Variants in RAB11FIP4 observed in about 807,000 individuals in gnomAD.
The protein encoded by RAB11FIP4 is rab11 family-interacting protein 4.
RAB11FIP4 carries 23 observed loss-of-function variants against 74.3 expected under a neutral mutation model. The ratio of observed to expected loss-of-function variants is 0.31; its 90% CI spans 0.22 to 0.44. The LOEUF (loss-of-function observed/expected upper bound fraction) is 0.44, where lower values mean the gene tolerates loss of function less well. RAB11FIP4 is among the 20% of genes least tolerant of loss of function. The pLI is 1.00. For synonymous variants in RAB11FIP4, 360 were observed against 359.9 expected (o/e 1.00, Z 0.00); for missense variants, 630 against 863.9 (o/e 0.73, Z 3.39).
intron 3 of RAB11FIP4, among the ~76,000 whole-genome samples, chr17:31,464,960 T>C (rs186468432): frequency 1.3e-4 from 19 of 151,654 alleles, no homozygotes; most frequent in African/African-American, 4.6e-4. Context: ...AGTTTCGCCA[T>C]GTTGCCCAGG....
At chr17:31,433,730 A>T (rs555350809) in intron 2 of RAB11FIP4, among the ~76,000 whole-genome samples, 3 of 151,760 alleles carry the variant, frequency 2.0e-5, no homozygotes, top group African/African-American at 7.2e-5. Flanking sequence ...CCAGGTGGGC[A>T]GCACTGCCTT....
At chr17:31,398,378 A>T (rs1567642102) in intron 1 of RAB11FIP4, among the ~76,000 whole-genome samples, 1 of 152,156 alleles carries the variant, frequency 6.6e-6, no homozygotes. Context: ...CCATTTGGCA[A>T]AACCTTGCTG....
intron 3 of RAB11FIP4, among the ~76,000 whole-genome samples, chr17:31,447,294 C>T (rs540074086): frequency 6.7e-4 from 102 of 151,990 alleles, no homozygotes; most frequent in African/African-American, 2.4e-3. Flanking sequence ...TCAAACAAAA[C>T]AAAACAAAAC....
chr17:31,537,295 C>T lies in RAB11FIP4; in HGVS notation c.*5563C>T, dbSNP rs1567700960. The T allele has an allele frequency of 2.5e-6, 1 of 398,614 alleles. No individual in the cohort carries two copies. The highest frequency in any genetic ancestry group is 4.4e-6 in the Non-Finnish European group (1 of 226,100). The allele number at this position is 398,614 out of a possible 1,614,324, so 24.7% of individuals were successfully genotyped here. ...GGCCAGCTCTCCCGGGCACATTCGT[C>T]CACAAGGATCAGGCCCCACTTACCC... On this transcript the variant is annotated 3_prime_UTR_variant, in exon 15 of 15. Transcript: ENST00000621161.
rs114947198 is a variant in RAB11FIP4 at position 31,431,076 on chromosome 17, A to G, written c.160-737A>G. ...ATCCACACAGCTGCAGGAACCCCCA[A>G]AGATGAATTGTAAAAGCAAAAAGCT... On this transcript the variant is annotated intron_variant, in intron 1 of 14. Coordinates refer to ENST00000621161, the MANE Select transcript of RAB11FIP4 (RefSeq NM_032932.6). Among the ~76,000 whole-genome samples the G allele has an allele frequency of 7.9e-3, 1,208 of 152,244 alleles. 7 individuals carry two copies. The highest frequency in any genetic ancestry group is 0.028 in the African/African-American group (1,146 of 41,528).
chr17:31,534,006 G>GTGT lies in RAB11FIP4; in HGVS notation c.*2275_*2277dup, dbSNP rs1597992439. 6.6e-6 allele frequency: 1 copy of GTGT among 152,214 alleles called. No individual in the cohort carries two copies. The highest frequency in any genetic ancestry group is 2.4e-5 in the African/African-American group (1 of 41,440). The allele number at this position is 152,214 out of a possible 1,614,324, so 9.4% of individuals were successfully genotyped here. A position where few individuals can be genotyped will look rare whatever the true frequency, so the allele number is the denominator to read the frequency against. ...GCTTGTTGCTTGGCTTTTAAAGATG[G>GTGT]TGTATGTTTGTAAAAATATTCTTCT... is the stretch of plus-strand genomic sequence containing the variant. On this transcript the variant is annotated 3_prime_UTR_variant, in exon 15 of 15. Coordinates refer to ENST00000621161, the MANE Select transcript of RAB11FIP4 (RefSeq NM_032932.6).
At chr17:31,522,659 C>T in intron 7 of RAB11FIP4, 1 of 538,966 alleles carries the variant, frequency 1.9e-6, no homozygotes, top group East Asian at 3.1e-5. Context: ...GCCAGGGATG[C>T]CCTGAGAGAG....
At chr17:31,508,206 C>T (rs1052393050) in intron 3 of RAB11FIP4, among the ~76,000 whole-genome samples, 2 of 152,138 alleles carry the variant, frequency 1.3e-5, no homozygotes, top group African/African-American at 2.4e-5. Flanking sequence ...GGAGTGAGAG[C>T]GTCTCCCCAC....
At chr17:31,406,337 AC>A (rs1374539266) in intron 1 of RAB11FIP4, among the ~76,000 whole-genome samples, 1 of 151,976 alleles carries the variant, frequency 6.6e-6, no homozygotes, top group Non-Finnish European at 1.5e-5. Flanking sequence ...ACAACCCCTG[AC>A]CCCCAGGAGG....
At chr17:31,413,201 G>C (rs570657348) in intron 1 of RAB11FIP4, among the ~76,000 whole-genome samples, 2 of 152,294 alleles carry the variant, frequency 1.3e-5, no homozygotes, top group South Asian at 4.1e-4. Flanking sequence ...GGATGGGGCG[G>C]GATAGATGGG....
Position 31,535,515 on chromosome 17 carries a change from G to A in RAB11FIP4, c.*3783G>A, listed in dbSNP as rs781623879. 6.6e-6 allele frequency: 1 copy of A among 152,306 alleles called. No homozygotes were observed. Among genetic ancestry groups the A allele is most frequent in the Non-Finnish European group, 1.5e-5 (1 of 68,096 alleles). The allele number at this position is 152,306 out of a possible 1,614,324, so 9.4% of individuals were successfully genotyped here. ...TGCAAGGTCGTTGGCCAGAGGTAGAGGAAACTGGTCAAAGTGGCTGTTGGG... is the reference window on the plus strand; with the variant it reads ...TGCAAGGTCGTTGGCCAGAGGTAGAAGAAACTGGTCAAAGTGGCTGTTGGG... On this transcript the variant is annotated 3_prime_UTR_variant, in exon 15 of 15. Coordinates refer to ENST00000621161, the MANE Select transcript of RAB11FIP4 (RefSeq NM_032932.6).
intron 3 of RAB11FIP4, among the ~76,000 whole-genome samples, chr17:31,477,996 CTTTT>C (rs35308777): frequency 1.5e-5 from 2 of 132,598 alleles, no homozygotes. Flanking sequence ...GCTGTTAATA[CTTTT>C]TTTTTTTTTT....
chr17:31,471,068 GTT>G (rs34337037), intron 3 of RAB11FIP4, among the ~76,000 whole-genome samples: 4,697 of 144,666 alleles, frequency 0.032, 217 homozygotes, highest in African/African-American at 0.11. Flanking sequence ...GAAATGGAAG[GTT>G]TTTTTTTTTT....
intron 1 of RAB11FIP4, among the ~76,000 whole-genome samples, chr17:31,395,674 T>A (rs1421947223): frequency 2.6e-5 from 4 of 152,162 alleles, no homozygotes; most frequent in Middle Eastern, 3.4e-3. Context: ...CAAGGAAATT[T>A]TGAGACACTG....
chr17:31,474,185 A>G (rs1218250814), intron 3 of RAB11FIP4, among the ~76,000 whole-genome samples: 2 of 152,140 alleles, frequency 1.3e-5, no homozygotes, highest in Non-Finnish European at 2.9e-5. Flanking sequence ...CCTCACAGGC[A>G]ATTGGATGCA....
At chr17:31,444,349 A>AC (rs367971641) in intron 3 of RAB11FIP4, among the ~76,000 whole-genome samples, 49,071 of 146,624 alleles carry the variant, frequency 0.33, 8,148 homozygotes, top group South Asian at 0.39. Context: ...ATGTTTCAAC[A>AC]CCCCCCCCAC....
intron 1 of RAB11FIP4, among the ~76,000 whole-genome samples, chr17:31,407,967 A>G (rs1466519245): frequency 6.6e-6 from 1 of 151,644 alleles, no homozygotes; most frequent in Non-Finnish European, 1.5e-5. Context: ...ATTTTTTTCT[A>G]ATTCTCTCAT....
At chr17:31,428,623 C>G (rs533111216) in intron 1 of RAB11FIP4, among the ~76,000 whole-genome samples, 95 of 152,206 alleles carry the variant, frequency 6.2e-4, no homozygotes, top group Non-Finnish European at 1.0e-3. Context: ...GGCTAGCCAG[C>G]AGAACCAGCA....
chr17:31,516,547 G>T (rs1024451068), intron 3 of RAB11FIP4, among the ~76,000 whole-genome samples: 1 of 152,228 alleles, frequency 6.6e-6, no homozygotes, highest in South Asian at 2.1e-4. Flanking sequence ...TTGGCTCACC[G>T]CAAGCTCCGC....
Sources: gnomAD v4.1 joint callset for allele counts (sites outside exome capture counted in the v4.1 genomes callset) on GRCh38, gnomAD v4.1.1 for gene constraint, MANE v1.5 for transcripts, NCBI Gene and HGNC (gene_info 2026-07-23, HGNC 2026-07-21) for gene names.